XRCC5: variants seen among roughly 807,000 people sequenced by gnomAD.
XRCC5 encodes X-ray repair cross complementing 5.
In XRCC5, 12 loss-of-function variants were observed where a neutral mutation model predicts 95.7. The observed-to-expected ratio is 0.13, with a 90% confidence interval of 0.08 to 0.20. The LOEUF (loss-of-function observed/expected upper bound fraction) is 0.20. Among genes scored for constraint, XRCC5 ranks in the 10% least tolerant of loss-of-function variants. The probability of loss-of-function intolerance (pLI) is 1.00; values close to 1 mark genes in which losing one functional copy is unlikely to be tolerated. For missense variants in XRCC5, 595 were observed against 873.9 expected (o/e 0.68, Z 4.02); for synonymous variants, 281 against 290.3 (o/e 0.97, Z 0.33).
chr2:216,132,153 G>T (rs1362849678), intron 9 of XRCC5, among the ~76,000 whole-genome samples, 172 bp from the exon 10 acceptor site: 1 of 152,212 alleles, frequency 6.6e-6, no homozygotes, highest in Non-Finnish European at 1.5e-5. Context: ...CGCATGCTGG[G>T]TGCTCAGATA....
At chr2:216,153,696 G>C (rs941581653) in intron 14 of XRCC5, among the ~76,000 whole-genome samples, 2 of 152,208 alleles carry the variant, frequency 1.3e-5, no homozygotes, top group East Asian at 1.9e-4. Flanking sequence ...ATTGTAGTTG[G>C]TAGGTGTTGG....
chr2:216,186,284 G>C (rs1175678793), intron 16 of XRCC5, among the ~76,000 whole-genome samples: 1 of 152,172 alleles, frequency 6.6e-6, no homozygotes, highest in African/African-American at 2.4e-5. Context: ...TTTTGACCTT[G>C]GTGACTGTGC....
intron 14 of XRCC5, among the ~76,000 whole-genome samples, chr2:216,151,835 T>C (rs1278876026): frequency 6.6e-6 from 1 of 152,152 alleles, no homozygotes; most frequent in Non-Finnish European, 1.5e-5. Context: ...CATGCTGCTA[T>C]AAAGAAATAC....
chr2:216,180,737 G>A (rs182398483), intron 16 of XRCC5, among the ~76,000 whole-genome samples: 28 of 152,188 alleles, frequency 1.8e-4, no homozygotes, highest in Non-Finnish European at 3.1e-4. Flanking sequence ...AAGTGATGGC[G>A]TGTCCTGATG....
intron 12 of XRCC5, among the ~76,000 whole-genome samples, chr2:216,140,001 T>C (rs1697147945): frequency 6.6e-6 from 1 of 152,230 alleles, no homozygotes. Context: ...AGGAATGCAA[T>C]GCCAGGATGA....
In XRCC5 at chr2:216,183,807, G is replaced by A. The variant is rs563838203; in HGVS notation, c.1835-6418G>A. The stretch of plus-strand genomic sequence containing the variant: ...CTTCTCAGTCCAGCTGCTTAAAAAA[G>A]ATGACAAATTTCAATGTCATTTTCA... On this transcript the variant is annotated intron_variant, in intron 16 of 20. Transcript: ENST00000392132. 2.0e-5 allele frequency among the ~76,000 whole-genome samples: 3 copies of A among 152,288 alleles called. No individual in the cohort carries two copies. In the South Asian group the frequency reaches 6.2e-4, roughly 32 times the overall value.
intron 16 of XRCC5, chr2:216,176,001 TA>T (rs1193104897): frequency 8.6e-6 from 2 of 233,490 alleles, no homozygotes; most frequent in East Asian, 1.5e-4. Flanking sequence ...AGAGTCAGCC[TA>T]GGGGCAACCG....
At position 216,192,641 on chromosome 2, in the gene XRCC5, T is replaced by G. The variant is rs1293616892; in HGVS notation, c.1947T>G (p.Phe649Leu). Residue 649 changes from phenylalanine (F) to leucine (L), a missense_variant and splice_region_variant, in exon 18 of 21, where the codon TTT becomes TTG. This residue lies in a region of XRCC5 where 309 missense variants were observed against 382.9 expected (regional missense o/e 0.81). Coordinates refer to ENST00000392132, the MANE Select transcript of XRCC5 (RefSeq NM_021141.4). ...IRAFREEAIK[F>L]SEEQRFNNFL... ...TCTACCCCAACTTGCTACCACAGTT[T>G]TCAGAAGAGCAGCGCTTTAACAACT... 1 of 1,582,224 alleles carries G rather than the reference T, an allele frequency of 6.3e-7. No homozygotes were observed. The highest frequency in any genetic ancestry group is 1.4e-5 in the African/African-American group (1 of 73,702).
At chr2:216,112,555 C>T (rs538266473) in intron 1 of XRCC5, among the ~76,000 whole-genome samples, 16 of 152,376 alleles carry the variant, frequency 1.1e-4, no homozygotes, top group African/African-American at 3.4e-4. Context: ...TAGATTCTAG[C>T]AGTCACTTCT....
chr2:216,194,843 G>A, intron 18 of XRCC5, 76 bp from the exon 19 acceptor site: 1 of 1,304,324 alleles, frequency 7.7e-7, no homozygotes, highest in Non-Finnish European at 1.1e-6. Context: ...AAGGTGGGAG[G>A]AGGTGTGATG....
At chr2:216,132,144 G>A (rs562777828) in intron 9 of XRCC5, among the ~76,000 whole-genome samples, 181 bp from the exon 10 acceptor site, 1 of 152,166 alleles carries the variant, frequency 6.6e-6, no homozygotes. Flanking sequence ...AATCTTGAAC[G>A]CATGCTGGGT....
chr2:216,171,911 A>G (rs181457156), intron 16 of XRCC5, among the ~76,000 whole-genome samples: 6 of 152,248 alleles, frequency 3.9e-5, no homozygotes, highest in Non-Finnish European at 5.9e-5. Flanking sequence ...TATACTGGTA[A>G]GTATAATTTG....
At position 216,159,977 on chromosome 2, in the gene XRCC5, T is replaced by C. The variant is rs1258077168; in HGVS notation, c.1671-91T>C. On this transcript the variant is annotated intron_variant, in intron 14 of 20. Coordinates refer to ENST00000392132, the MANE Select transcript of XRCC5 (RefSeq NM_021141.4). ...TCTTTTCTTCTTCTTCTTTTTTCTT[T>C]TTTTTTTTTGGTGCTTGGAAAATAA... The C allele has an allele frequency of 2.2e-5, 13 of 591,252 alleles. 1 individual carries two copies. Among genetic ancestry groups the C allele is most frequent in the Middle Eastern group, 4.2e-4 (1 of 2,408 alleles). The allele number at this position is 591,252 out of a possible 1,614,324, so 36.6% of individuals were successfully genotyped here.
chr2:216,177,248 C>G (rs1423912048), intron 16 of XRCC5, among the ~76,000 whole-genome samples: 2 of 152,160 alleles, frequency 1.3e-5, no homozygotes, highest in East Asian at 3.8e-4. Flanking sequence ...GACTTTCTAT[C>G]TAGTTGTTTT....
chr2:216,159,636 C>T (rs1271455349), intron 14 of XRCC5, among the ~76,000 whole-genome samples: 1 of 152,190 alleles, frequency 6.6e-6, no homozygotes, highest in Non-Finnish European at 1.5e-5. Flanking sequence ...GGTTGTTAGA[C>T]ACAAAGGTCT....
At chr2:216,177,493 A>G (rs568673315) in intron 16 of XRCC5, among the ~76,000 whole-genome samples, 1 of 152,340 alleles carries the variant, frequency 6.6e-6, no homozygotes, top group Non-Finnish European at 1.5e-5. Flanking sequence ...GTGCTGCAAG[A>G]CTGTATGTGT....
intron 4 of XRCC5, 135 bp downstream of exon 4, chr2:216,117,929 T>C (rs2106001589): frequency 1.1e-6 from 1 of 931,440 alleles, no homozygotes; most frequent in African/African-American, 1.6e-5. Context: ...TTTTATAGAA[T>C]TGAATGGTTC....
chr2:216,202,994 A>G (rs1559266285), intron 19 of XRCC5, among the ~76,000 whole-genome samples: 1 of 152,206 alleles, frequency 6.6e-6, no homozygotes, highest in African/African-American at 2.4e-5. Context: ...GACATATTTT[A>G]GTTTATTTAT....
At chr2:216,184,250 G>A (rs1407487370) in intron 16 of XRCC5, among the ~76,000 whole-genome samples, 1 of 152,116 alleles carries the variant, frequency 6.6e-6, no homozygotes, top group East Asian at 1.9e-4. Flanking sequence ...CTGAAGGAAA[G>A]GAAATGTATG....
Sources: allele counts gnomAD v4.1 joint callset (sites outside exome capture counted in the v4.1 genomes callset), GRCh38; gene constraint gnomAD v4.1.1; regional missense constraint gnomAD v4.1.1; transcripts MANE v1.5; gene names NCBI Gene and HGNC (gene_info 2026-07-23, HGNC 2026-07-21).